The following GIN1 variants were observed in gnomAD, a reference collection of about 807,000 sequenced individuals.
GIN1 encodes gypsy retrotransposon integrase 1, also known as gypsy retrotransposon integrase-like protein 1.
In GIN1, 41 loss-of-function variants were observed where a neutral mutation model predicts 51.4. The observed-to-expected ratio is 0.80, with a 90% CI of 0.62 to 1.04. GIN1 has a LOEUF of 1.04. Among genes scored for constraint, GIN1 ranks in the 50% least tolerant of loss-of-function variants. The probability of loss-of-function intolerance (pLI) is 0.00; values close to 1 mark genes in which losing one functional copy is unlikely to be tolerated. For missense variants in GIN1, 610 were observed against 612.4 expected (o/e 1.00, Z 0.04); for synonymous variants, 222 against 206.5 (o/e 1.07, Z -0.64).
intron 4 of GIN1, among the ~76,000 whole-genome samples, chr5:103,098,044 G>A (rs183141822): frequency 2.6e-5 from 4 of 152,120 alleles, no homozygotes; most frequent in East Asian, 1.9e-4. Flanking sequence ...CACCACACCC[G>A]GCTAATTTTC....
intron 3 of GIN1, among the ~76,000 whole-genome samples, chr5:103,105,176 T>C (rs892925539): frequency 6.6e-6 from 1 of 152,044 alleles, no homozygotes; most frequent in Non-Finnish European, 1.5e-5. Flanking sequence ...AACTCAAGTA[T>C]ACAGAAAGCT....
chr5:103,091,368 A>G (rs1460908012), intron 7 of GIN1, among the ~76,000 whole-genome samples: 1 of 151,124 alleles, frequency 6.6e-6, no homozygotes, highest in Non-Finnish European at 1.5e-5. Context: ...AATCTAAAAC[A>G]ATCATGAGTT....
chr5:103,101,066 T>C (rs926875795), intron 4 of GIN1, among the ~76,000 whole-genome samples: 2 of 152,168 alleles, frequency 1.3e-5, no homozygotes, highest in East Asian at 1.9e-4. Context: ...AGATTAATTT[T>C]TAAATTAGGC....
intron 1 of GIN1, among the ~76,000 whole-genome samples, chr5:103,111,912 T>A (rs1787896856): frequency 6.6e-6 from 1 of 152,212 alleles, no homozygotes; most frequent in African/African-American, 2.4e-5. Context: ...ATTAGGACAC[T>A]GTTGGTTTTC....
At chr5:103,108,778 A>C in intron 1 of GIN1, 64 bp from the exon 2 acceptor site, 1 of 1,010,146 alleles carries the variant, frequency 9.9e-7, no homozygotes. Context: ...TATTTCAGTT[A>C]AGACTTCTGT....
intron 7 of GIN1, among the ~76,000 whole-genome samples, chr5:103,090,323 T>C (rs1460664565): frequency 6.6e-6 from 1 of 152,228 alleles, no homozygotes; most frequent in African/African-American, 2.4e-5. Flanking sequence ...ACACATGAGA[T>C]GTGTTATACC....
At chr5:103,112,251 T>A (rs1787909204) in intron 1 of GIN1, among the ~76,000 whole-genome samples, 1 of 152,202 alleles carries the variant, frequency 6.6e-6, no homozygotes, top group Admixed American at 6.5e-5. Flanking sequence ...CAGATTTTCA[T>A]ATTTCACAAA....
Position 103,106,883 on chromosome 5 carries a change from CT to C in GIN1, c.165del (p.Asp56ThrfsTer8). ...ATTACCAAACGATTTTGTTTTCTGT[CT>C]TTTCCAACATAAAACAGCTTTTTTT... ...FKEKKLFYVG[K>X]DRKQNRLVIV... On this transcript the variant is annotated frameshift_variant, in exon 3 of 8. Coordinates refer to ENST00000399004, the MANE Select transcript of GIN1 (RefSeq NM_017676.2). LOFTEE classifies it high-confidence loss of function. 6.3e-7 allele frequency: 1 copy of C among 1,575,678 alleles called. No homozygotes were observed. The highest frequency in any genetic ancestry group is 8.6e-7 in the Non-Finnish European group (1 of 1,162,782).
At chr5:103,103,691 G>A (rs1014332150) in intron 4 of GIN1, among the ~76,000 whole-genome samples, 1 of 152,300 alleles carries the variant, frequency 6.6e-6, no homozygotes, top group Non-Finnish European at 1.5e-5. Flanking sequence ...CAGAGCAAGG[G>A]AGAAAGTACC....
At chr5:103,095,939 C>T (rs782065169) in intron 7 of GIN1, among the ~76,000 whole-genome samples, 3 of 152,042 alleles carry the variant, frequency 2.0e-5, no homozygotes, top group Non-Finnish European at 2.9e-5. Context: ...AACAAACAAA[C>T]AAAACATTGA....
intron 4 of GIN1, 75 bp downstream of exon 4, chr5:103,104,466 T>C: frequency 1.4e-6 from 1 of 694,400 alleles, no homozygotes; most frequent in East Asian, 2.6e-5. Flanking sequence ...TGTAATATAA[T>C]GCAGAGGGCA....
intron 1 of GIN1, among the ~76,000 whole-genome samples, chr5:103,117,704 A>G (rs371704555): frequency 5.9e-5 from 9 of 152,122 alleles, no homozygotes; most frequent in African/African-American, 2.2e-4. Flanking sequence ...ACTCACGACT[A>G]CAGCTGCAAA....
In GIN1 at chr5:103,087,995, G is replaced by A. The variant is rs759917916; in HGVS notation, c.1472C>T (p.Thr491Met). The change falls in exon 8 of 8, where the codon ACG becomes ATG. Residue 491 changes from threonine (T) to methionine (M), a missense_variant. Thr to Met is a moderately conservative substitution (Grantham distance 81, BLOSUM62 -1). Coordinates refer to ENST00000399004, the MANE Select transcript of GIN1 (RefSeq NM_017676.2). ...KDRELLEYRN[T>M]KISPLIDDHS... ...ATCGTCTATCAATGGAGAGATTTTCGTATTTCTATATTCTAATAGTTCACG... is the reference window on the plus strand; with the variant it reads ...ATCGTCTATCAATGGAGAGATTTTCATATTTCTATATTCTAATAGTTCACG... The A allele has an allele frequency of 5.6e-5, 90 of 1,599,420 alleles. No homozygotes were observed. The highest frequency in any genetic ancestry group is 6.9e-5 in the Non-Finnish European group (80 of 1,167,434).
intron 7 of GIN1, among the ~76,000 whole-genome samples, chr5:103,096,171 G>A (rs985733606): frequency 2.0e-5 from 3 of 150,970 alleles, no homozygotes; most frequent in Non-Finnish European, 4.4e-5. Flanking sequence ...GTGAAACCCC[G>A]TTTCTACTAA....
At chr5:103,111,897 G>A (rs536251337) in intron 1 of GIN1, among the ~76,000 whole-genome samples, 29 of 152,136 alleles carry the variant, frequency 1.9e-4, no homozygotes, top group Admixed American at 1.5e-3. Flanking sequence ...TTAAGTTAAC[G>A]TGCCATTAGG....
chr5:103,097,874 G>A, intron 4 of GIN1, 93 bp from the exon 5 acceptor site: 1 of 604,328 alleles, frequency 1.7e-6, no homozygotes, highest in Non-Finnish European at 2.8e-6. Flanking sequence ...TTAGAATCTT[G>A]CCTTTTATTT....
chr5:103,104,508 T>C (rs782659027), intron 4 of GIN1, 33 bp downstream of exon 4: 6 of 1,054,088 alleles, frequency 5.7e-6, no homozygotes, highest in South Asian at 1.5e-5. Context: ...AAGTAAGATA[T>C]GCTCCCAGAC....
At chr5:103,113,874 T>C (rs1343665731) in intron 1 of GIN1, among the ~76,000 whole-genome samples, 2 of 152,178 alleles carry the variant, frequency 1.3e-5, no homozygotes, top group African/African-American at 2.4e-5. Flanking sequence ...TTTCAACATA[T>C]GAATTTTGGG....
intron 7 of GIN1, among the ~76,000 whole-genome samples, 180 bp from the exon 8 acceptor site, chr5:103,088,352 A>G (rs1052383665): frequency 1.3e-5 from 2 of 152,248 alleles, no homozygotes; most frequent in African/African-American, 4.8e-5. Flanking sequence ...AATGACATAT[A>G]AATTTGACAG....
Sources: allele counts gnomAD v4.1 joint callset (sites outside exome capture counted in the v4.1 genomes callset), GRCh38; gene constraint gnomAD v4.1.1; transcripts MANE v1.5; gene names NCBI Gene and HGNC (gene_info 2026-07-23, HGNC 2026-07-21).